The following LSG1 variants were observed in gnomAD, a reference collection of about 807,000 sequenced individuals.
LSG1 encodes the protein large 60S subunit nuclear export GTPase 1.
Under a neutral mutation model 82.6 loss-of-function variants are expected in LSG1, and 55 were observed. The observed-to-expected ratio is 0.67, with a 90% confidence interval of 0.54 to 0.83. The LOEUF (loss-of-function observed/expected upper bound fraction) is 0.83, where lower values mean the gene tolerates loss of function less well. Ranked by LOEUF, LSG1 falls within the 40% of genes least tolerant of loss-of-function variation. LSG1 has a pLI of 0.00. For missense variants in LSG1, 809 were observed against 807.9 expected (o/e 1.00, Z -0.02); for synonymous variants, 272 against 282.5 (o/e 0.96, Z 0.37).
intron 12 of LSG1, 91 bp from the exon 13 acceptor site, chr3:194,644,837 G>A: frequency 9.6e-7 from 1 of 1,042,382 alleles, no homozygotes; most frequent in Non-Finnish European, 1.3e-6. Context: ...CTCTGATGGA[G>A]CTTTCTGCCT....
At chr3:194,653,493 C>A (rs1301562390) in intron 7 of LSG1, among the ~76,000 whole-genome samples, 1 of 144,370 alleles carries the variant, frequency 6.9e-6, no homozygotes, top group Non-Finnish European at 1.5e-5. Context: ...CCAGTCTGGG[C>A]AACAGACAAG....
intron 12 of LSG1, among the ~76,000 whole-genome samples, chr3:194,645,878 A>G (rs1011235194): frequency 6.6e-6 from 1 of 152,222 alleles, no homozygotes; most frequent in African/African-American, 2.4e-5. Context: ...TATACTACAA[A>G]GAAGACTGTG....
At chr3:194,664,731 T>C (rs1363168293) in intron 5 of LSG1, among the ~76,000 whole-genome samples, 2 of 151,454 alleles carry the variant, frequency 1.3e-5, no homozygotes, top group Non-Finnish European at 2.9e-5. Context: ...CTGACCAACA[T>C]GGTGAAACCC....
At chr3:194,649,935 T>TA (rs199772576) in intron 10 of LSG1, among the ~76,000 whole-genome samples, 3,284 of 152,080 alleles carry the variant, frequency 0.022, 108 homozygotes, top group African/African-American at 0.075. Context: ...TCTTTTTTCT[T>TA]AAAGGCAAGA....
chr3:194,653,840 G>A (rs961120529), intron 7 of LSG1, among the ~76,000 whole-genome samples: 2 of 152,186 alleles, frequency 1.3e-5, no homozygotes, highest in African/African-American at 4.8e-5. Flanking sequence ...TTCAAAACCA[G>A]TCTGGGCAAC....
chr3:194,644,368 CAAAAAA>C (rs1395757240), intron 13 of LSG1, among the ~76,000 whole-genome samples, 199 bp downstream of exon 13: 6 of 62,020 alleles, frequency 9.7e-5, no homozygotes, highest in African/African-American at 3.1e-4. Flanking sequence ...GACTCCGTCT[CAAAAAA>C]AAAAAATAAA....
At chr3:194,660,871 C>G (rs540578979) in intron 5 of LSG1, 43 of 456,518 alleles carry the variant, frequency 9.4e-5, no homozygotes, top group Non-Finnish European at 1.8e-4. Context: ...ATAGTGGGGA[C>G]TACAGGTGTC....
In LSG1 at chr3:194,644,730, C is replaced by T; in HGVS notation, c.1640G>A (p.Cys547Tyr). The change falls in exon 13 of 14, where the codon TGC becomes TAC. Residue 547 changes from cysteine (C) to tyrosine (Y), a missense_variant. Physicochemically the swap from Cys to Tyr is radical, Grantham distance 194 (BLOSUM62 -2). Coordinates refer to ENST00000265245, the MANE Select transcript of LSG1 (RefSeq NM_018385.3). ...AGGATCTCTTCCAGGAGGAGGATGGCAGTACAGCAGCTTACCCTACAAAGA... is the reference window on the plus strand; with the variant it reads ...AGGATCTCTTCCAGGAGGAGGATGGTAGTACAGCAGCTTACCCTACAAAGA... ...KDYVSGKLLY[C>Y]HPPPGRDPVT... is the part of the protein sequence containing the mutation. 1.2e-6 allele frequency: 2 copies of T among 1,604,802 alleles called. No individual in the cohort carries two copies. The highest frequency in any genetic ancestry group is 1.3e-5 in the African/African-American group (1 of 74,802).
chr3:194,666,144 T>C (rs112238009), intron 4 of LSG1, 59 bp downstream of exon 4: 1 of 1,416,176 alleles, frequency 7.1e-7, no homozygotes, highest in Non-Finnish European at 1.0e-6. Context: ...TGTGTAAGCA[T>C]GCCAAATATC....
chr3:194,642,086 G>C lies in LSG1; in HGVS notation c.1959C>G (p.Tyr653Ter). ...RNKKEKSRRLYKHLDM is the reference protein window; with the variant it reads ...RNKKEKSRRL ...CCCAACCTCACATATCCAGGTGCTT[G>C]TAGAGTCTACGACTTTTTTCTTTTT... Residue 653 changes from tyrosine to a stop codon, truncating the protein, a stop_gained, in exon 14 of 14, where the codon TAC (tyrosine) becomes TAG (stop). Coordinates refer to ENST00000265245, the MANE Select transcript of LSG1 (RefSeq NM_018385.3). LOFTEE classifies it high-confidence loss of function. 1 of 1,612,692 alleles carries C rather than the reference G, an allele frequency of 6.2e-7. No individual in the cohort carries two copies. Among genetic ancestry groups the C allele is most frequent in the Non-Finnish European group, 8.5e-7 (1 of 1,180,012 alleles).
At chr3:194,654,628 C>T (rs1718755602) in intron 7 of LSG1, among the ~76,000 whole-genome samples, 1 of 152,102 alleles carries the variant, frequency 6.6e-6, no homozygotes, top group Non-Finnish European at 1.5e-5. Context: ...TCACTGTGGG[C>T]TCTTTTGAGT....
At chr3:194,667,942 A>AAAAAAAAAAAAAATATAT (rs1416407494) in intron 2 of LSG1, among the ~76,000 whole-genome samples, 5 of 86,962 alleles carry the variant, frequency 5.7e-5, no homozygotes, top group Admixed American at 1.5e-4. Flanking sequence ...AAAAAAAAAA[A>AAAAAAAAAAAAAATATAT]ATATATATAT....
intron 8 of LSG1, 27 bp from the exon 9 acceptor site, chr3:194,651,243 C>T (rs1294024885): frequency 4.9e-6 from 7 of 1,442,800 alleles, no homozygotes; most frequent in Non-Finnish European, 6.8e-6. Flanking sequence ...AGTTACCAAA[C>T]AGTAAAACAG....
intron 10 of LSG1, 197 bp from the exon 11 acceptor site, chr3:194,649,001 G>A (rs1467809435): frequency 1.0e-5 from 5 of 488,720 alleles, no homozygotes; most frequent in South Asian, 6.2e-5. Context: ...AAGCTCCCAC[G>A]ACTTTTCCAT....
At chr3:194,643,239 G>T (rs1718436102) in intron 13 of LSG1, among the ~76,000 whole-genome samples, 1 of 152,236 alleles carries the variant, frequency 6.6e-6, no homozygotes, top group Non-Finnish European at 1.5e-5. Context: ...TTAAAGTGCA[G>T]AAGACATTTA....
rs112910013 is a variant in LSG1, at chr3:194,660,823, C to A, written c.522-690G>T. 839 of 456,248 alleles carry A rather than the reference C, an allele frequency of 1.8e-3. 3 individuals carry two copies. Among genetic ancestry groups the A allele is most frequent in the Non-Finnish European group, 2.6e-3 (591 of 226,800 alleles). The allele number at this position is 456,248 out of a possible 1,614,324, so 28.3% of individuals were successfully genotyped here. ...GAAAGTACAGCAATAAGATAACTTTCTGCAGCTGGTGGCAAGCCCCTCAAA... is the reference window on the plus strand; with the variant it reads ...GAAAGTACAGCAATAAGATAACTTTATGCAGCTGGTGGCAAGCCCCTCAAA... On this transcript the variant is annotated intron_variant, in intron 5 of 13. Coordinates refer to ENST00000265245, the MANE Select transcript of LSG1 (RefSeq NM_018385.3).
chr3:194,671,946 ATCCTTC>A, intron 1 of LSG1, 112 bp downstream of exon 1: 1 of 887,096 alleles, frequency 1.1e-6, no homozygotes, highest in South Asian at 1.4e-5. Context: ...ACTCCAACTC[ATCCTTC>A]AAAACCCGGC....
At chr3:194,647,869 A>G (rs1718585484) in intron 11 of LSG1, among the ~76,000 whole-genome samples, 1 of 147,006 alleles carries the variant, frequency 6.8e-6, no homozygotes, top group South Asian at 2.2e-4. Context: ...TGTTCTATGA[A>G]TCTGTAATTA....
chr3:194,645,541 C>CACACACACACAGACAG (rs1718517238), intron 12 of LSG1: 4 of 40,776 alleles, frequency 9.8e-5, no homozygotes, highest in African/African-American at 2.8e-4. Context: ...GACAGACACA[C>CACACACACACAGACAG]ACACACACAC....
Sources: allele counts gnomAD v4.1 joint callset (sites outside exome capture counted in the v4.1 genomes callset), GRCh38; gene constraint gnomAD v4.1.1; transcripts MANE v1.5; gene names NCBI Gene and HGNC (gene_info 2026-07-23, HGNC 2026-07-21).